Variants in DOK5 observed in about 807,000 individuals in gnomAD.
DOK5 encodes docking protein 5, also known as downstream of tyrosine kinase 5.
Under a neutral mutation model 43.3 loss-of-function variants are expected in DOK5, and 27 were observed. That is an observed-to-expected ratio of 0.62 (90% CI 0.46 to 0.86). The LOEUF (loss-of-function observed/expected upper bound fraction) is 0.86, where lower values mean the gene tolerates loss of function less well. Among genes scored for constraint, DOK5 ranks in the 40% least tolerant of loss-of-function variants. The pLI, the probability that DOK5 is intolerant of heterozygous loss-of-function variation, is 0.00. For synonymous variants in DOK5, 146 were observed against 140.1 expected (o/e 1.04, Z -0.30); for missense variants, 373 against 392.9 (o/e 0.95, Z 0.43).
chr20:54,614,992 C>T (rs1055348101), intron 6 of DOK5, among the ~76,000 whole-genome samples: 13 of 152,222 alleles, frequency 8.5e-5, no homozygotes, highest in African/African-American at 3.1e-4. Context: ...CTTTATATGA[C>T]TGCTGACTTG....
At chr20:54,499,915 A>T (rs1982534740) in intron 1 of DOK5, among the ~76,000 whole-genome samples, 1 of 152,204 alleles carries the variant, frequency 6.6e-6, no homozygotes, top group Non-Finnish European at 1.5e-5. Context: ...GCTCAGATCC[A>T]TGCCTTCTCT....
At chr20:54,509,378 G>C (rs531032921) in intron 1 of DOK5, among the ~76,000 whole-genome samples, 3 of 151,242 alleles carry the variant, frequency 2.0e-5, no homozygotes, top group Non-Finnish European at 4.4e-5. Context: ...TTTTTGTAGA[G>C]ACAGGGGTCT....
chr20:54,524,321 G>T (rs1352673161), intron 1 of DOK5, among the ~76,000 whole-genome samples: 1 of 152,102 alleles, frequency 6.6e-6, no homozygotes, highest in Non-Finnish European at 1.5e-5. Flanking sequence ...GAATCAGCGT[G>T]GTTCACTTGA....
At chr20:54,480,406 C>A (rs1054752820) in intron 1 of DOK5, among the ~76,000 whole-genome samples, 27 of 152,170 alleles carry the variant, frequency 1.8e-4, no homozygotes, top group African/African-American at 6.5e-4. Context: ...GTGGCGCTAC[C>A]CCCACCAGTG....
At chr20:54,504,861 G>T (rs1259479481) in intron 1 of DOK5, among the ~76,000 whole-genome samples, 1 of 152,204 alleles carries the variant, frequency 6.6e-6, no homozygotes, top group Non-Finnish European at 1.5e-5. Flanking sequence ...GCTCATATCT[G>T]TGAAAGGTGT....
At chr20:54,614,390 C>A (rs1415486986) in intron 6 of DOK5, among the ~76,000 whole-genome samples, 1 of 152,140 alleles carries the variant, frequency 6.6e-6, no homozygotes, top group Non-Finnish European at 1.5e-5. Context: ...AAGTAGAATT[C>A]AAGTCACTGA....
intron 6 of DOK5, among the ~76,000 whole-genome samples, chr20:54,632,908 C>A (rs1978635318): frequency 6.6e-6 from 1 of 152,258 alleles, no homozygotes; most frequent in East Asian, 1.9e-4. Flanking sequence ...AAAACCTCAT[C>A]TCCACTAAAA....
chr20:54,535,458 C>A (rs902579049), intron 1 of DOK5, among the ~76,000 whole-genome samples: 2 of 152,000 alleles, frequency 1.3e-5, no homozygotes, highest in African/African-American at 4.8e-5. Context: ...TGAAATGTTT[C>A]CTTGTGAAAT....
chr20:54,569,661 G>A (rs1401014765), intron 2 of DOK5, among the ~76,000 whole-genome samples: 1 of 152,182 alleles, frequency 6.6e-6, no homozygotes, highest in African/African-American at 2.4e-5. Context: ...GACAGCTTAT[G>A]AAAGTCCCCC....
intron 1 of DOK5, among the ~76,000 whole-genome samples, chr20:54,483,103 C>T (rs529430369): frequency 2.1e-4 from 32 of 152,132 alleles, no homozygotes; most frequent in African/African-American, 3.1e-4. Context: ...GTGGATGAGA[C>T]GATTAATTGT....
intron 2 of DOK5, among the ~76,000 whole-genome samples, chr20:54,559,318 G>A (rs556084226): frequency 6.6e-6 from 1 of 152,296 alleles, no homozygotes; most frequent in African/African-American, 2.4e-5. Context: ...GGTAGCCTGA[G>A]TTCTAATCCC....
chr20:54,548,449 C>T (rs1342997324), intron 1 of DOK5, among the ~76,000 whole-genome samples: 3 of 151,766 alleles, frequency 2.0e-5, no homozygotes, highest in African/African-American at 7.3e-5. Context: ...GTTGCCCAGG[C>T]TGGTCTTGAA....
intron 1 of DOK5, among the ~76,000 whole-genome samples, chr20:54,493,153 G>A (rs542853406): frequency 6.7e-6 from 1 of 149,510 alleles, no homozygotes; most frequent in South Asian, 2.1e-4. Flanking sequence ...ATGGCAAATT[G>A]ATTACCTAAA....
At chr20:54,594,233 GA>G (rs200182346) in intron 5 of DOK5, among the ~76,000 whole-genome samples, 8 of 151,004 alleles carry the variant, frequency 5.3e-5, no homozygotes, top group South Asian at 2.1e-4. Context: ...CAAATTAAAT[GA>G]AAAAAAAATT....
chr20:54,616,350 C>G (rs1317298787), intron 6 of DOK5, among the ~76,000 whole-genome samples: 4 of 152,166 alleles, frequency 2.6e-5, no homozygotes, highest in Non-Finnish European at 1.5e-5. Context: ...ATTCTGAAAA[C>G]TCCAAATTAG....
chr20:54,606,678 G>A (rs1986479297), intron 5 of DOK5, among the ~76,000 whole-genome samples: 1 of 152,144 alleles, frequency 6.6e-6, no homozygotes, highest in Non-Finnish European at 1.5e-5. Context: ...GTGTTGTAAA[G>A]CTGCTTATGA....
intron 1 of DOK5, among the ~76,000 whole-genome samples, chr20:54,550,204 G>C (rs1984479254): frequency 6.6e-6 from 1 of 150,934 alleles, no homozygotes; most frequent in Non-Finnish European, 1.5e-5. Flanking sequence ...AAAAGGACTG[G>C]AGAAGAATGT....
intron 1 of DOK5, among the ~76,000 whole-genome samples, chr20:54,540,251 G>A (rs980814950): frequency 9.2e-5 from 14 of 152,176 alleles, no homozygotes; most frequent in African/African-American, 2.9e-4. Flanking sequence ...GGTGTTGTGC[G>A]AGGGCCTGGA....
chr20:54,521,798 T>C (rs574175908), intron 1 of DOK5, among the ~76,000 whole-genome samples: 4 of 152,306 alleles, frequency 2.6e-5, no homozygotes, highest in East Asian at 1.9e-4. Context: ...TTCTGCCCAG[T>C]TGAGAGTCAC....
Sources: allele counts gnomAD v4.1 joint callset (sites outside exome capture counted in the v4.1 genomes callset), GRCh38; gene constraint gnomAD v4.1.1; transcripts MANE v1.5; gene names NCBI Gene and HGNC (gene_info 2026-07-23, HGNC 2026-07-21).